DUS2: variants seen among roughly 807,000 people sequenced by gnomAD.
DUS2 encodes dihydrouridine synthase 2, also known as tRNA-dihydrouridine(20) synthase [NAD(P)+]-like.
A neutral mutation model predicts 71.3 loss-of-function variants in DUS2; 52 were observed. The ratio of observed to expected loss-of-function variants is 0.73; its 90% confidence interval spans 0.58 to 0.92. The LOEUF is 0.92. DUS2 is among the 40% of genes least tolerant of loss of function. DUS2 has a pLI of 0.00. For missense variants in DUS2, 558 were observed against 622.6 expected (o/e 0.90, Z 1.10); for synonymous variants, 204 against 227.8 (o/e 0.90, Z 0.94).
At chr16:68,050,012 A>G (rs929832530) in intron 4 of DUS2, among the ~76,000 whole-genome samples, 10 of 152,186 alleles carry the variant, frequency 6.6e-5, no homozygotes, top group African/African-American at 2.4e-4. Flanking sequence ...TGGACGCCCT[A>G]TGCTCTGTGC....
intron 15 of DUS2, chr16:68,078,218 TGC>T (rs1244717158): frequency 3.5e-6 from 2 of 574,280 alleles, no homozygotes; most frequent in East Asian, 5.9e-5. Flanking sequence ...CTAAGGGCTC[TGC>T]TGCGCTTTGC....
chr16:68,053,699 C>A, intron 5 of DUS2, 44 bp downstream of exon 5: 1 of 1,602,574 alleles, frequency 6.2e-7, no homozygotes, highest in South Asian at 1.1e-5. Context: ...GCTCACCATC[C>A]CCTGGGATTT....
intron 2 of DUS2, among the ~76,000 whole-genome samples, chr16:68,034,257 G>T (rs1298900488): frequency 6.6e-6 from 1 of 151,956 alleles, no homozygotes. Flanking sequence ...TAGAGATGAG[G>T]TCTTGCCATG....
intron 3 of DUS2, among the ~76,000 whole-genome samples, chr16:68,041,573 G>A (rs1177122487): frequency 6.6e-6 from 1 of 152,110 alleles, no homozygotes; most frequent in Non-Finnish European, 1.5e-5. Context: ...AGCACTTTGG[G>A]AGGCCGAGGC....
At chr16:68,074,625 G>T (rs1200575017) in intron 13 of DUS2, among the ~76,000 whole-genome samples, 1 of 152,194 alleles carries the variant, frequency 6.6e-6, no homozygotes, top group Non-Finnish European at 1.5e-5. Context: ...TGCCCCCACA[G>T]CTCCCTGTCT....
chr16:68,028,092 T>C (rs1022508560), intron 2 of DUS2, among the ~76,000 whole-genome samples: 2 of 152,160 alleles, frequency 1.3e-5, no homozygotes, highest in Non-Finnish European at 2.9e-5. Flanking sequence ...CTATCATGTT[T>C]TGCGTATCAT....
intron 2 of DUS2, 132 bp from the exon 3 acceptor site, chr16:68,037,874 C>T (rs1229874674): frequency 4.2e-6 from 4 of 946,018 alleles, no homozygotes; most frequent in Non-Finnish European, 6.1e-6. Context: ...AACAATCAAA[C>T]ATAAACAACC....
In DUS2 at chr16:68,074,092, G is replaced by A. The variant is rs2034124414; in HGVS notation, c.869G>A (p.Arg290Gln). 2.5e-6 allele frequency: 4 copies of A among 1,614,166 alleles called. No individual in the cohort carries two copies. Among genetic ancestry groups the A allele is most frequent in the Non-Finnish European group, 3.4e-6 (4 of 1,180,018 alleles). ...NTKYCLCQML[R>Q]EQLESPQGRL... ...AAGTACTGCTTGTGCCAGATGCTAC[G>A]AGAACAGCTGGAGTCGCCCCAGGGA... Residue 290 changes from arginine (R) to glutamine (Q), a missense_variant, in exon 13 of 17, where the codon CGA (arginine) becomes CAA (glutamine). By Grantham distance (43) the Arg-to-Gln change is conservative. Coordinates refer to ENST00000565263, the MANE Select transcript of DUS2 (RefSeq NM_017803.5).
intron 7 of DUS2, among the ~76,000 whole-genome samples, chr16:68,057,164 T>C (rs1343064387): frequency 7.1e-6 from 1 of 141,612 alleles, no homozygotes; most frequent in African/African-American, 2.6e-5. Context: ...ATATATGTAG[T>C]ATATAAAATA....
In DUS2 at chr16:68,075,290, T is replaced by G; in HGVS notation, c.933-65T>G. ...GTTTCTCAGTGGTGGGGCCCTGGGG[T>G]CCTGCAGTACCCTGGATGCTGGCTC... On this transcript the variant is annotated intron_variant, in intron 13 of 16. Coordinates refer to ENST00000565263, the MANE Select transcript of DUS2 (RefSeq NM_017803.5). 3.5e-6 allele frequency: 5 copies of G among 1,447,286 alleles called. No individual in the cohort carries two copies. The South Asian group carries it at 7.8e-5, about 23-fold the overall frequency. 89.7% of individuals were successfully genotyped at this position (1,447,286 alleles called of 1,614,324 possible).
chr16:68,037,842 G>A (rs941808218), intron 2 of DUS2, 164 bp from the exon 3 acceptor site: 11 of 663,374 alleles, frequency 1.7e-5, no homozygotes, highest in Non-Finnish European at 2.6e-5. Context: ...GGGTGACAAA[G>A]CAAGACTGTC....
At chr16:68,053,717 C>T (rs908586530) in intron 5 of DUS2, 62 bp downstream of exon 5, 2 of 1,566,594 alleles carry the variant, frequency 1.3e-6, no homozygotes, top group African/African-American at 2.7e-5. Flanking sequence ...TTTCCCAACT[C>T]ATGCCCTGTG....
intron 8 of DUS2, among the ~76,000 whole-genome samples, chr16:68,063,996 G>A (rs1479225580): frequency 6.6e-6 from 1 of 152,230 alleles, no homozygotes; most frequent in Admixed American, 6.5e-5. Flanking sequence ...TTACAGGTGT[G>A]CGCAGGGCAT....
intron 2 of DUS2, among the ~76,000 whole-genome samples, chr16:68,032,289 C>T (rs143594121): frequency 2.1e-4 from 32 of 152,280 alleles, no homozygotes; most frequent in African/African-American, 7.7e-4. Flanking sequence ...TATTCAGTCA[C>T]ACCTTACTAA....
intron 3 of DUS2, among the ~76,000 whole-genome samples, chr16:68,045,318 C>A (rs1429488168): frequency 6.6e-6 from 1 of 151,876 alleles, no homozygotes; most frequent in Non-Finnish European, 1.5e-5. Context: ...TATACAAGAT[C>A]ACATCGGCCC....
chr16:68,078,717 G>A (rs1177967718), intron 16 of DUS2, 32 bp from the exon 17 acceptor site: 2 of 1,582,770 alleles, frequency 1.3e-6, no homozygotes, highest in African/African-American at 2.7e-5. Flanking sequence ...CCTGCACCCT[G>A]CCCCTCACCT....
Position 68,037,291 on chromosome 16 carries a change from A to G in DUS2, c.-18-715A>G, listed in dbSNP as rs556003941. Reference sequence around the variant, plus strand: ...GTATACTAATTTTTATGTTCAGGGAAAAGGAAAACAGGCCAGGTGCAGTGG... The same window carrying G: ...GTATACTAATTTTTATGTTCAGGGAGAAGGAAAACAGGCCAGGTGCAGTGG... On this transcript the variant is annotated intron_variant, in intron 2 of 16. Transcript: ENST00000565263. 4.1e-4 allele frequency among the ~76,000 whole-genome samples: 62 copies of G among 152,218 alleles called. 1 individual carries two copies. The South Asian group carries it at 0.012, about 30-fold the overall frequency.
intron 2 of DUS2, among the ~76,000 whole-genome samples, chr16:68,037,469 G>A (rs990005893): frequency 1.3e-5 from 2 of 151,022 alleles, no homozygotes; most frequent in African/African-American, 4.9e-5. Flanking sequence ...CCAGGCGGGG[G>A]TACAATGGTG....
intron 2 of DUS2, among the ~76,000 whole-genome samples, chr16:68,035,832 A>G (rs2033511380): frequency 7.0e-6 from 1 of 142,216 alleles, no homozygotes; most frequent in Non-Finnish European, 1.5e-5. Flanking sequence ...CTCGTGCCAC[A>G]GCTTCCCGAG....
Sources: gnomAD v4.1 joint callset for allele counts (sites outside exome capture counted in the v4.1 genomes callset) on GRCh38, gnomAD v4.1.1 for gene constraint, MANE v1.5 for transcripts, NCBI Gene and HGNC (gene_info 2026-07-23, HGNC 2026-07-21) for gene names.